TEX29: variants seen among roughly 807,000 people sequenced by gnomAD.
The protein encoded by TEX29 is testis-expressed protein 29.
A neutral mutation model predicts 18.2 loss-of-function variants in TEX29; 26 were observed. That is an observed-to-expected ratio of 1.43 (90% CI 1.04 to 1.98). The LOEUF is 1.98. Ranked by LOEUF, TEX29 falls within the 30% of genes most tolerant of loss-of-function variation. TEX29 has a pLI of 0.00. For synonymous variants in TEX29, 83 were observed against 78.5 expected (o/e 1.06, Z -0.31); for missense variants, 177 against 194.2 (o/e 0.91, Z 0.53).
rs530613291 is a variant in TEX29 at position 111,320,758 on chromosome 13, C to A, written c.-39C>A. On this transcript the variant is annotated 5_prime_UTR_variant, in exon 1 of 6. Coordinates refer to ENST00000283547, the MANE Select transcript of TEX29 (RefSeq NM_152324.3). Reference sequence around the variant, plus strand: ...GAGGGGACCCGCCTGGGATGTGAGGCGCAGGTGAGTCGATGAACGCCCCCT... The same window carrying A: ...GAGGGGACCCGCCTGGGATGTGAGGAGCAGGTGAGTCGATGAACGCCCCCT... 6.6e-6 allele frequency: 7 copies of A among 1,059,620 alleles called. No homozygotes were observed. The Admixed American group carries it at 6.9e-5, about 10-fold the overall frequency. The allele number at this position is 1,059,620 out of a possible 1,614,324, so 65.6% of individuals were successfully genotyped here. A position where few individuals can be genotyped will look rare whatever the true frequency, so the allele number is the denominator to read the frequency against.
At chr13:111,321,778 C>G (rs1769805018) in intron 2 of TEX29, among the ~76,000 whole-genome samples, 1 of 151,982 alleles carries the variant, frequency 6.6e-6, no homozygotes, top group Admixed American at 6.6e-5. Context: ...CAAAAATTAG[C>G]CGAGCGTGGT....
upstream of TEX29, among the ~76,000 whole-genome samples, chr13:111,319,899 G>A (rs972483209): frequency 9.2e-5 from 14 of 152,306 alleles, no homozygotes; most frequent in Non-Finnish European, 1.8e-4. Flanking sequence ...CCCGACAGCC[G>A]TTTCCAGCAC....
intron 3 of TEX29, among the ~76,000 whole-genome samples, chr13:111,331,676 T>A (rs1025923675): frequency 6.6e-6 from 1 of 152,154 alleles, no homozygotes; most frequent in African/African-American, 2.4e-5. Context: ...CTTCTAAGAG[T>A]TTTATACTTA....
At chr13:111,340,043 T>A in intron 4 of TEX29, 111 bp downstream of exon 4, 1 of 965,464 alleles carries the variant, frequency 1.0e-6, no homozygotes, top group Non-Finnish European at 1.7e-6. Context: ...CTGGGGTGAC[T>A]GAGAACAGCT....
chr13:111,339,788 G>A (rs2093694788), intron 3 of TEX29, 75 bp from the exon 4 acceptor site: 1 of 1,507,856 alleles, frequency 6.6e-7, no homozygotes, highest in Non-Finnish European at 9.2e-7. Flanking sequence ...GACTCTGGGA[G>A]GGTTGCCTTT....
chr13:111,326,215 T>C (rs1470943248), intron 2 of TEX29, among the ~76,000 whole-genome samples: 9 of 141,700 alleles, frequency 6.4e-5, no homozygotes, highest in East Asian at 2.2e-4. Context: ...GCGGGCAGTG[T>C]GAGCCTGTCT....
At chr13:111,341,958 G>C (rs1212684427) in intron 4 of TEX29, among the ~76,000 whole-genome samples, 1 of 152,226 alleles carries the variant, frequency 6.6e-6, no homozygotes, top group Non-Finnish European at 1.5e-5. Context: ...TTGTCTCAGA[G>C]TCCCTGAACC....
intron 3 of TEX29, 30 bp from the exon 4 acceptor site, chr13:111,339,833 G>A (rs375096261): frequency 4.3e-5 from 69 of 1,610,304 alleles, no homozygotes; most frequent in East Asian, 6.7e-5. Context: ...TACCTGGATC[G>A]AAATGACTTC....
In TEX29 at chr13:111,328,247, C is replaced by T. The variant is rs145802537; in HGVS notation, c.123C>T (p.Leu41=). 29 of 1,613,880 alleles carry T rather than the reference C, an allele frequency of 1.8e-5. No homozygotes were observed. Among genetic ancestry groups the T allele is most frequent in the South Asian group, 7.7e-5 (7 of 91,076 alleles). Residue 41 remains leucine (L), a synonymous_variant, in exon 3 of 6, where the codon CTC becomes CTT. Transcript: ENST00000283547. ...TCTCCAGGGACCGATGCCAGGAGCTCGGGTGCTGCTTCTACGAAGGCGTCT... is the reference window on the plus strand; with the variant it reads ...TCTCCAGGGACCGATGCCAGGAGCTTGGGTGCTGCTTCTACGAAGGCGTCT... ...YNVSRDRCQE[L]GCCFYEGVCY...
At chr13:111,320,151 C>T (rs1337427322), upstream of TEX29, among the ~76,000 whole-genome samples, 3 of 152,236 alleles carry the variant, frequency 2.0e-5, no homozygotes, top group Non-Finnish European at 4.4e-5. Flanking sequence ...GCCTGCCCAC[C>T]CTGTGGCAAG....
At chr13:111,340,046 G>C in intron 4 of TEX29, 114 bp downstream of exon 4, 2 of 930,308 alleles carry the variant, frequency 2.1e-6, no homozygotes, top group Middle Eastern at 5.6e-4. Context: ...GGGTGACTGA[G>C]AACAGCTCTC....
upstream of TEX29, among the ~76,000 whole-genome samples, chr13:111,317,619 G>A (rs2093656718): frequency 6.6e-6 from 1 of 152,244 alleles, no homozygotes; most frequent in Non-Finnish European, 1.5e-5. Flanking sequence ...TCCCAGCGAA[G>A]TCATCAACAC....
intron 3 of TEX29, among the ~76,000 whole-genome samples, chr13:111,338,071 C>T (rs1318896012): frequency 6.6e-6 from 1 of 152,112 alleles, no homozygotes; most frequent in African/African-American, 2.4e-5. Context: ...GTGCGGATCC[C>T]TTCGGAAGCT....
chr13:111,328,399 A>G lies in TEX29; in HGVS notation c.169+106A>G, dbSNP rs898563892. On this transcript the variant is annotated intron_variant, in intron 3 of 5. Transcript: ENST00000283547. Reference sequence around the variant, plus strand: ...TTCCTCGGGGTCTCTGTTTGCTGGAAACACCTTTGTATTGTTCTCTGGCCA... The same window carrying G: ...TTCCTCGGGGTCTCTGTTTGCTGGAGACACCTTTGTATTGTTCTCTGGCCA... 3.9e-6 allele frequency: 3 copies of G among 759,952 alleles called. No individual in the cohort carries two copies. The African/African-American group carries it at 5.2e-5, about 13-fold the overall frequency. 47.1% of individuals were successfully genotyped at this position (759,952 alleles called of 1,614,324 possible). A position where few individuals can be genotyped will look rare whatever the true frequency, so the allele number is the denominator to read the frequency against.
intron 5 of TEX29, among the ~76,000 whole-genome samples, 197 bp from the exon 6 acceptor site, chr13:111,343,886 T>G (rs1595694762): frequency 1.3e-5 from 2 of 152,258 alleles, no homozygotes; most frequent in South Asian, 4.2e-4. Context: ...AGAGATGATG[T>G]GGGAGGAAGA....
intron 2 of TEX29, among the ~76,000 whole-genome samples, chr13:111,327,141 G>C (rs1398004074): frequency 6.6e-6 from 1 of 152,244 alleles, no homozygotes; most frequent in Non-Finnish European, 1.5e-5. Flanking sequence ...GAGGGTGGCA[G>C]CAGCCGGTGA....
At chr13:111,337,084 C>T (rs1021542389) in intron 3 of TEX29, among the ~76,000 whole-genome samples, 4 of 152,194 alleles carry the variant, frequency 2.6e-5, no homozygotes, top group Non-Finnish European at 5.9e-5. Context: ...CATGAACGCT[C>T]TTAATTCACC....
chr13:111,335,129 G>A (rs931681514), intron 3 of TEX29, among the ~76,000 whole-genome samples: 1 of 152,158 alleles, frequency 6.6e-6, no homozygotes, highest in African/African-American at 2.4e-5. Flanking sequence ...TTTTATGGAG[G>A]AAGAAATTGG....
chr13:111,342,753 C>T lies in TEX29; in HGVS notation c.240-3C>T. On this transcript the variant is annotated splice_region_variant and splice_polypyrimidine_tract_variant and intron_variant, in intron 4 of 5. Transcript: ENST00000283547. The stretch of plus-strand genomic sequence containing the variant: ...GACTGTGATAAAACCCTCTTCCCAT[C>T]AGAGTCATTCAGGAGAGCAGGAAAG... 3.1e-6 allele frequency: 5 copies of T among 1,613,460 alleles called. No individual in the cohort carries two copies. Among genetic ancestry groups the T allele is most frequent in the Non-Finnish European group, 4.2e-6 (5 of 1,179,648 alleles).
Sources: allele counts gnomAD v4.1 joint callset (sites outside exome capture counted in the v4.1 genomes callset), GRCh38; gene constraint gnomAD v4.1.1; transcripts MANE v1.5; gene names NCBI Gene and HGNC (gene_info 2026-07-23, HGNC 2026-07-21).